NBAS: variants seen among roughly 807,000 people sequenced by gnomAD.
The protein encoded by NBAS is NAG/BC035112 fusion.
NBAS carries 219 observed loss-of-function variants against 302.5 expected under a neutral mutation model. The ratio of observed to expected loss-of-function variants is 0.72; its 90% confidence interval spans 0.65 to 0.81. The LOEUF is 0.81. NBAS is among the 30% of genes least tolerant of loss of function. The probability of loss-of-function intolerance (pLI) is 0.00; values close to 1 mark genes in which losing one functional copy is unlikely to be tolerated. For synonymous variants in NBAS, 1,118 were observed against 1,021.6 expected (o/e 1.09, Z -1.80); for missense variants, 2,932 against 2,841.6 (o/e 1.03, Z -0.72).
the NBAS span, among the ~76,000 whole-genome samples, chr2:15,090,905 G>A: frequency 6.6e-6 from 1 of 152,148 alleles, no homozygotes; most frequent in Non-Finnish European, 1.5e-5. Flanking sequence ...GAATGCTTAG[G>A]TTGACATGGG....
At chr2:15,366,895 T>C (rs1255183736) in intron 31 of NBAS, among the ~76,000 whole-genome samples, 1 of 152,200 alleles carries the variant, frequency 6.6e-6, no homozygotes, top group Non-Finnish European at 1.5e-5. Context: ...ACCTTGATCT[T>C]TTCTTCATAA....
chr2:15,463,569 C>A (rs1679597236), intron 19 of NBAS, among the ~76,000 whole-genome samples: 1 of 152,066 alleles, frequency 6.6e-6, no homozygotes, highest in Admixed American at 6.6e-5. Flanking sequence ...TCAGCTTAAA[C>A]TGCCTGGTTC....
intron 33 of NBAS, 125 bp from the exon 34 acceptor site, chr2:15,353,835 C>A: frequency 8.9e-7 from 1 of 1,127,956 alleles, no homozygotes; most frequent in Non-Finnish European, 1.3e-6. Context: ...TCATTAGTGA[C>A]ACATTATTTT....
intron 9 of NBAS, among the ~76,000 whole-genome samples, chr2:15,514,935 C>A (rs1000660984): frequency 1.3e-5 from 2 of 152,126 alleles, no homozygotes; most frequent in South Asian, 4.1e-4. Context: ...GCCTTTCCTC[C>A]GTTCATGCCA....
chr2:15,227,063 G>A (rs1667178356), intron 47 of NBAS, among the ~76,000 whole-genome samples: 1 of 152,116 alleles, frequency 6.6e-6, no homozygotes, highest in South Asian at 2.1e-4. Flanking sequence ...GGCCTTTACT[G>A]TATTATGTTC....
the NBAS span, among the ~76,000 whole-genome samples, chr2:14,858,840 A>G: frequency 6.6e-6 from 1 of 152,132 alleles, no homozygotes; most frequent in Non-Finnish European, 1.5e-5. Flanking sequence ...TGTTTGCAAC[A>G]CAAAGGATTA....
In NBAS at chr2:15,222,676, A is replaced by T. The variant is rs139005838; in HGVS notation, c.6237-3708T>A. On this transcript the variant is annotated intron_variant, in intron 47 of 51. Coordinates refer to ENST00000281513, the MANE Select transcript of NBAS (RefSeq NM_015909.4). ...TTGAGCTGAATGATATTAAAATTTT[A>T]AAAAAGATAAAAATAACTTGTCCAA... Among the ~76,000 whole-genome samples, 793 of 152,318 alleles carry T rather than the reference A, an allele frequency of 5.2e-3. 3 individuals carry two copies. Among genetic ancestry groups the T allele is most frequent in the African/African-American group, 0.016 (680 of 41,560 alleles).
chr2:15,353,522 A>T (rs1381136642), intron 34 of NBAS, 31 bp downstream of exon 34: 1 of 1,613,288 alleles, frequency 6.2e-7, no homozygotes, highest in Non-Finnish European at 8.5e-7. Flanking sequence ...GACGTCATAC[A>T]GGTTAGGATT....
intron 16 of NBAS, among the ~76,000 whole-genome samples, chr2:15,471,780 T>TTC (rs1329940717): frequency 6.6e-6 from 1 of 152,114 alleles, no homozygotes; most frequent in African/African-American, 2.4e-5. Flanking sequence ...AGAGCCTTCT[T>TTC]TCTCTCTCTC....
At chr2:15,400,007 A>C (rs1174374827) in intron 26 of NBAS, among the ~76,000 whole-genome samples, 1 of 152,202 alleles carries the variant, frequency 6.6e-6, no homozygotes, top group Non-Finnish European at 1.5e-5. Flanking sequence ...CTTTTAAAAA[A>C]TACCTCCCAG....
the NBAS span, among the ~76,000 whole-genome samples, chr2:14,966,880 T>C: frequency 6.6e-6 from 1 of 152,204 alleles, no homozygotes; most frequent in Non-Finnish European, 1.5e-5. Context: ...TATAACCTGA[T>C]CATCTACGCA....
At chr2:15,417,834 T>G (rs989383779) in intron 23 of NBAS, 122 bp from the exon 24 acceptor site, 3 of 942,360 alleles carry the variant, frequency 3.2e-6, no homozygotes, top group Admixed American at 5.4e-5. Context: ...GCATTACCAG[T>G]AACATACGTT....
the NBAS span, among the ~76,000 whole-genome samples, chr2:15,047,713 C>G: frequency 1.3e-4 from 19 of 151,512 alleles, 1 homozygote; most frequent in Admixed American, 9.8e-4. Context: ...AGGCTGGGCC[C>G]GTGCAAGTGC....
chr2:15,190,784 C>G (rs1256307657), intron 48 of NBAS, among the ~76,000 whole-genome samples: 1 of 152,116 alleles, frequency 6.6e-6, no homozygotes, highest in African/African-American at 2.4e-5. Context: ...AACATGAAAT[C>G]CTAATTTTCA....
At chr2:15,068,064 G>C in the NBAS span, among the ~76,000 whole-genome samples, 1 of 152,150 alleles carries the variant, frequency 6.6e-6, no homozygotes, top group Non-Finnish European at 1.5e-5. Context: ...TTCTAATTAT[G>C]AATATAGATT....
the NBAS span, among the ~76,000 whole-genome samples, chr2:14,820,204 T>A: frequency 6.6e-6 from 1 of 152,228 alleles, no homozygotes; most frequent in Non-Finnish European, 1.5e-5. Context: ...CAAGGATATA[T>A]CTGCACTCCC....
At chr2:15,444,316 A>G (rs891545648) in intron 21 of NBAS, among the ~76,000 whole-genome samples, 2 of 152,218 alleles carry the variant, frequency 1.3e-5, no homozygotes, top group African/African-American at 4.8e-5. Context: ...ATATAGATCA[A>G]TGGAACAGAA....
chr2:14,970,713 T>C, the NBAS span, among the ~76,000 whole-genome samples: 1 of 152,172 alleles, frequency 6.6e-6, no homozygotes, highest in African/African-American at 2.4e-5. Flanking sequence ...GGACCAGGTG[T>C]GAAGACCTCT....
the NBAS span, among the ~76,000 whole-genome samples, chr2:14,825,376 G>A: frequency 1.3e-5 from 2 of 152,182 alleles, no homozygotes; most frequent in Admixed American, 6.5e-5. Context: ...TATAAAGTAG[G>A]TAGCGTATGG....
Sources: allele counts gnomAD v4.1 joint callset (sites outside exome capture counted in the v4.1 genomes callset), GRCh38; gene constraint gnomAD v4.1.1; transcripts MANE v1.5; gene names NCBI Gene and HGNC (gene_info 2026-07-23, HGNC 2026-07-21).